The following LYST variants were observed in gnomAD, a reference collection of about 807,000 sequenced individuals.
The protein encoded by LYST is lysosomal trafficking regulator.
Under a neutral mutation model 413.6 loss-of-function variants are expected in LYST, and 192 were observed. That is an observed-to-expected ratio of 0.46 (90% CI 0.41 to 0.52). The LOEUF (loss-of-function observed/expected upper bound fraction) is 0.52, where lower values mean the gene tolerates loss of function less well. Among genes scored for constraint, LYST ranks in the 20% least tolerant of loss-of-function variants. LYST has a pLI of 0.00. For synonymous variants in LYST, 1,525 were observed against 1,567.3 expected (o/e 0.97, Z 0.64); for missense variants, 3,815 against 4,499.9 (o/e 0.85, Z 4.35).
In LYST at chr1:235,793,510, G is replaced by A. The variant is rs776704202; in HGVS notation, c.4109C>T (p.Pro1370Leu). The change falls in exon 11 of 53, where the codon CCT becomes CTT. Residue 1370 changes from proline to leucine, a missense_variant. Around this residue, in one of 4 missense-constraint regions of LYST, gnomAD observed 1,648 missense variants for 1,810.3 expected, o/e 0.91. Transcript: ENST00000389793. ...AAATTATAGCATATTTACTGTACAA[G>A]GAGATTTCTCCAGAAATATTCTCAA... ...LLLRIFLEKS[P>L]CTKILLLGIL... The A allele has an allele frequency of 6.7e-7, 1 of 1,491,812 alleles. No homozygotes were observed. The allele number at this position is 1,491,812 out of a possible 1,614,324, so 92.4% of individuals were successfully genotyped here.
chr1:235,717,407 C>A (rs940100565), intron 40 of LYST, among the ~76,000 whole-genome samples: 1 of 152,194 alleles, frequency 6.6e-6, no homozygotes, highest in Non-Finnish European at 1.5e-5. Context: ...TGTTCACATT[C>A]TGTGAACACC....
Position 235,830,357 on chromosome 1 carries a change from T to C in LYST, c.61A>G (p.Asn21Asp). The change falls in exon 3 of 53, where the codon AAT (asparagine) becomes GAT (aspartate). Residue 21 changes from asparagine (N) to aspartate (D), a missense_variant. Coordinates refer to ENST00000389793, the MANE Select transcript of LYST (RefSeq NM_000081.4). ...GCCTCCACCCTCTGGACCACTGCAT[T>C]GCAAAGCCGGTTGACATCGGTCAGA... ...EFLTDVNRLCNAVVQRVEARE... is the reference protein window; with the variant it reads ...EFLTDVNRLCDAVVQRVEARE... 1 of 1,613,886 alleles carries C rather than the reference T, an allele frequency of 6.2e-7. No individual in the cohort carries two copies.
intron 44 of LYST, among the ~76,000 whole-genome samples, chr1:235,705,637 C>T (rs1174984234): frequency 6.6e-6 from 1 of 152,086 alleles, no homozygotes; most frequent in Non-Finnish European, 1.5e-5. Flanking sequence ...CATCCTGCCT[C>T]AGTCTCCCAG....
At chr1:235,850,866 C>A (rs1678448242) in intron 1 of LYST, among the ~76,000 whole-genome samples, 1 of 151,994 alleles carries the variant, frequency 6.6e-6, no homozygotes, top group Non-Finnish European at 1.5e-5. Flanking sequence ...ATCAAAAAAT[C>A]AAAAAACAGT....
In LYST at chr1:235,755,614, C is replaced by T. The variant is rs1572160717; in HGVS notation, c.7093G>A (p.Glu2365Lys). The T allele has an allele frequency of 6.2e-7, 1 of 1,612,904 alleles. No homozygotes were observed. Among genetic ancestry groups the T allele is most frequent in the Non-Finnish European group, 8.5e-7 (1 of 1,179,216 alleles). Reference protein sequence around the residue: ...LDAYFARASKEQKDKFLKNRG... With the variant: ...LDAYFARASKKQKDKFLKNRG... ...TTCTTCAGAAATTTATCTTTTTGTT[C>T]CTTAGATGCTCTAGCAAAATATGCA... is the stretch of plus-strand genomic sequence containing the variant. The change falls in exon 25 of 53, where the codon GAA becomes AAA. Residue 2365 changes from glutamate (E) to lysine (K), a missense_variant. Transcript: ENST00000389793.
In LYST at chr1:235,729,283, A is replaced by T. The variant is rs75381293; in HGVS notation, c.9106+313T>A. ...CTGATAAAATAGTAGGTAAGATATCAACAATTTTTCACTTTAAAAAATCTA... is the reference window on the plus strand; with the variant it reads ...CTGATAAAATAGTAGGTAAGATATCTACAATTTTTCACTTTAAAAAATCTA... On this transcript the variant is annotated intron_variant, in intron 37 of 52. Transcript: ENST00000389793. 3.1e-3 allele frequency among the ~76,000 whole-genome samples: 476 copies of T among 152,348 alleles called. 2 individuals are homozygous for T. The highest frequency in any genetic ancestry group is 4.6e-3 in the Non-Finnish European group (314 of 68,018).
intron 48 of LYST, among the ~76,000 whole-genome samples, chr1:235,679,894 G>A (rs566019615): frequency 1.3e-5 from 2 of 152,196 alleles, no homozygotes; most frequent in South Asian, 2.1e-4. Context: ...AGGATTGATA[G>A]TGTCCTCAGG....
At chr1:235,830,703 TAAGA>T (rs765883168) in intron 2 of LYST, among the ~76,000 whole-genome samples, 1 of 152,190 alleles carries the variant, frequency 6.6e-6, no homozygotes, top group Non-Finnish European at 1.5e-5. Flanking sequence ...TTTCTCTTTT[TAAGA>T]GAGAAGACTT....
At chr1:235,749,473 C>T (rs1490903023) in intron 28 of LYST, among the ~76,000 whole-genome samples, 3 of 151,904 alleles carry the variant, frequency 2.0e-5, no homozygotes, top group Admixed American at 6.6e-5. Flanking sequence ...ATACCATAGA[C>T]CTGGGATGAG....
chr1:235,857,780 C>CATATAT (rs1276928760), intron 1 of LYST, among the ~76,000 whole-genome samples: 8 of 135,854 alleles, frequency 5.9e-5, no homozygotes, highest in African/African-American at 2.0e-4. Flanking sequence ...CACACACACA[C>CATATAT]ACACATATAT....
intron 47 of LYST, among the ~76,000 whole-genome samples, chr1:235,687,722 C>T (rs1183593789): frequency 3.3e-5 from 5 of 152,102 alleles, no homozygotes; most frequent in Admixed American, 3.3e-4. Context: ...CCCACCTCCC[C>T]CACACTCACT....
intron 34 of LYST, among the ~76,000 whole-genome samples, 167 bp from the exon 35 acceptor site, chr1:235,731,344 T>C (rs768135003): frequency 2.3e-4 from 35 of 152,176 alleles, no homozygotes; most frequent in Admixed American, 2.3e-3. Context: ...GTAGAAGTAA[T>C]AAAATCTAAG....
chr1:235,716,611 T>TA (rs1662856048), intron 41 of LYST, 101 bp downstream of exon 41: 1 of 737,406 alleles, frequency 1.4e-6, no homozygotes, highest in Non-Finnish European at 2.4e-6. Flanking sequence ...TACAAGAAGG[T>TA]AAAAAATCCA....
At chr1:235,684,202 G>A (rs1660040446) in intron 48 of LYST, among the ~76,000 whole-genome samples, 1 of 151,994 alleles carries the variant, frequency 6.6e-6, no homozygotes, top group Non-Finnish European at 1.5e-5. Flanking sequence ...GCTATCCTGT[G>A]CACAAATACT....
Position 235,777,158 on chromosome 1 carries a change from G to A in LYST, c.5365C>T (p.His1789Tyr). ...TCAGTAGGTTGGAGATTCTTTAGATGATGAGGTTCTAATAAGATGCTCTGA... is the reference window on the plus strand; with the variant it reads ...TCAGTAGGTTGGAGATTCTTTAGATAATGAGGTTCTAATAAGATGCTCTGA... Reference protein sequence around the residue: ...EVQSILLEPHHLKNLQPTEYK... With the variant: ...EVQSILLEPHYLKNLQPTEYK... Residue 1789 changes from histidine to tyrosine, a missense_variant, in exon 17 of 53, where the codon CAT becomes TAT. Transcript: ENST00000389793. The A allele has an allele frequency of 6.2e-7, 1 of 1,613,538 alleles. No homozygotes were observed. Among genetic ancestry groups the A allele is most frequent in the Non-Finnish European group, 8.5e-7 (1 of 1,179,604 alleles).
chr1:235,809,973 G>A lies in LYST; in HGVS notation c.845C>T (p.Ala282Val), dbSNP rs1673284557. Reference sequence around the variant, plus strand: ...AGTTAGTGTGGGCACTACACTGGCTGCTAAAGGAGAATTATGATTCAAGGT... The same window carrying A: ...AGTTAGTGTGGGCACTACACTGGCTACTAAAGGAGAATTATGATTCAAGGT... ...DVTLNHNSPL[A>V]ASVVPTLTEF... The change falls in exon 5 of 53, where the codon GCA (alanine) becomes GTA (valine). Residue 282 changes from alanine (A) to valine (V), a missense_variant. Physicochemically the swap from Ala to Val is moderately conservative, Grantham distance 64. Transcript: ENST00000389793. This position sits in a 1 kb window ranked among gnomAD's most constrained non-coding sequence, Gnocchi z 4.0. 2 of 1,613,752 alleles carry A rather than the reference G, an allele frequency of 1.2e-6. No individual in the cohort carries two copies. The highest frequency in any genetic ancestry group is 2.2e-5 in the East Asian group (1 of 44,824).
intron 38 of LYST, among the ~76,000 whole-genome samples, chr1:235,727,256 G>A (rs923326795): frequency 4.6e-5 from 7 of 151,302 alleles, no homozygotes; most frequent in Non-Finnish European, 8.8e-5. Context: ...CCGAGTAGCT[G>A]GGATTATAGG....
chr1:235,666,155 A>G (rs1334478438), intron 50 of LYST, among the ~76,000 whole-genome samples: 2 of 152,092 alleles, frequency 1.3e-5, no homozygotes, highest in African/African-American at 2.4e-5. Context: ...AGCATTATTC[A>G]CAATAGCCAA....
intron 46 of LYST, among the ~76,000 whole-genome samples, chr1:235,695,060 T>C (rs1376903382): frequency 6.6e-6 from 1 of 152,232 alleles, no homozygotes; most frequent in Non-Finnish European, 1.5e-5. Context: ...AGAATGTCTA[T>C]GTGGACTGTT....
Sources: gnomAD v4.1 joint callset for allele counts (sites outside exome capture counted in the v4.1 genomes callset) on GRCh38, gnomAD v4.1.1 for gene constraint, gnomAD v4.1.1 regional missense constraint, Gnocchi (gnomAD v3.1) non-coding constraint, MANE v1.5 for transcripts, NCBI Gene and HGNC (gene_info 2026-07-23, HGNC 2026-07-21) for gene names.